Variants in SLCO1B3 observed in about 807,000 individuals in gnomAD.
The protein encoded by SLCO1B3 is solute carrier organic anion transporter family member 1B3.
Under a neutral mutation model 71.8 loss-of-function variants are expected in SLCO1B3, and 72 were observed. That is an observed-to-expected ratio of 1.00 (90% CI 0.83 to 1.22). The LOEUF is 1.22. SLCO1B3 is among the 50% of genes most tolerant of loss of function. The pLI is 0.00. For synonymous variants in SLCO1B3, 298 were observed against 278.4 expected, an observed-to-expected ratio of 1.07 and a Z score of -0.70; for missense variants, 911 against 819.7, an observed-to-expected ratio of 1.11 and a Z score of -1.36.
At chr12:20,847,124 A>T (rs1864935993) in intron 3 of SLCO1B3, among the ~76,000 whole-genome samples, 1 of 152,228 alleles carries the variant, frequency 6.6e-6, no homozygotes, top group South Asian at 2.1e-4. Context: ...TGCCCAGGGT[A>T]GTAGACTCAC....
chr12:20,863,614 G>T (rs1865314080), intron 8 of SLCO1B3, among the ~76,000 whole-genome samples: 1 of 151,924 alleles, frequency 6.6e-6, no homozygotes, highest in African/African-American at 2.4e-5. Flanking sequence ...TCCTCTTTCT[G>T]CCTCTCCTCC....
At chr12:20,851,153 G>T (rs1476278006) in intron 3 of SLCO1B3, among the ~76,000 whole-genome samples, 2 of 152,132 alleles carry the variant, frequency 1.3e-5, no homozygotes, top group Non-Finnish European at 2.9e-5. Flanking sequence ...ATCTCTTCAA[G>T]ATCCCAGTTT....
rs200150730 is a variant in SLCO1B3, at chr12:20,877,920, T to C, written c.1119T>C (p.His373=). Residue 373 remains histidine (H), a synonymous_variant, in exon 10 of 16, where the codon CAT becomes CAC. Transcript: ENST00000381545. ...MEQQYGQSAS[H]ANFLLGIITI... is the part of the protein sequence containing the mutation. ...AACAGTACGGTCAGTCTGCATCTCA[T>C]GCTAACTTTTTGTTGGGTAAGACAT... 4 of 1,590,462 alleles carry C rather than the reference T, an allele frequency of 2.5e-6. No homozygotes were observed. Among genetic ancestry groups the C allele is most frequent in the African/African-American group, 2.7e-5 (2 of 73,464 alleles).
intron 15 of SLCO1B3, among the ~76,000 whole-genome samples, chr12:20,915,565 A>T (rs188533890): frequency 4.6e-5 from 7 of 152,320 alleles, no homozygotes; most frequent in Non-Finnish European, 1.0e-4. Flanking sequence ...GGTAAAAGGA[A>T]TTGCTGTATA....
At chr12:20,819,615 C>G (rs1864255874) in intron 3 of SLCO1B3, among the ~76,000 whole-genome samples, 1 of 152,122 alleles carries the variant, frequency 6.6e-6, no homozygotes, top group South Asian at 2.1e-4. Context: ...AGATCCTGAG[C>G]TAACTTGTAA....
Position 20,831,501 on chromosome 12 carries a change from A to G in SLCO1B3, c.84+15679A>G, listed in dbSNP as rs149353685. 7.6e-3 allele frequency among the ~76,000 whole-genome samples: 1,158 copies of G among 152,310 alleles called. 10 individuals carry two copies. The highest frequency in any genetic ancestry group is 0.027 in the African/African-American group (1,113 of 41,560). Reference sequence around the variant, plus strand: ...AAGTTAAATTGTTAACATTGAAAGAATATTAACCTCAACAATCGCATTACA... The same window carrying G: ...AAGTTAAATTGTTAACATTGAAAGAGTATTAACCTCAACAATCGCATTACA... On this transcript the variant is annotated intron_variant, in intron 3 of 15. Transcript: ENST00000381545.
chr12:20,881,323 G>A (rs1865690054), intron 12 of SLCO1B3, among the ~76,000 whole-genome samples: 1 of 152,058 alleles, frequency 6.6e-6, no homozygotes, highest in South Asian at 2.1e-4. Flanking sequence ...TCTCTAAGAA[G>A]CATCTCATTT....
intron 8 of SLCO1B3, among the ~76,000 whole-genome samples, chr12:20,868,673 GA>G (rs1865418676): frequency 1.2e-4 from 2 of 16,880 alleles, no homozygotes; most frequent in Admixed American, 1.6e-3. Context: ...AGAGATAAAA[GA>G]AAAGACCCCT....
intron 3 of SLCO1B3, among the ~76,000 whole-genome samples, chr12:20,846,349 C>A (rs1864920445): frequency 6.6e-6 from 1 of 152,090 alleles, no homozygotes. Flanking sequence ...TTATATTCTT[C>A]CAAAGAGTGT....
At chr12:20,870,056 GC>G (rs1356242796) in intron 8 of SLCO1B3, among the ~76,000 whole-genome samples, 1 of 152,008 alleles carries the variant, frequency 6.6e-6, no homozygotes, top group East Asian at 1.9e-4. Context: ...ACGTAATTGT[GC>G]TTTTGATTTG....
intron 9 of SLCO1B3, 114 bp downstream of exon 9, chr12:20,875,591 C>T: frequency 9.5e-7 from 1 of 1,050,920 alleles, no homozygotes; most frequent in Non-Finnish European, 1.4e-6. Flanking sequence ...TTCTTCTCTG[C>T]TAAATTTAGC....
chr12:20,906,361 A>T (rs1262856559), intron 15 of SLCO1B3, among the ~76,000 whole-genome samples: 1 of 152,212 alleles, frequency 6.6e-6, no homozygotes, highest in Non-Finnish European at 1.5e-5. Flanking sequence ...TGGAATGAGT[A>T]GGCCTAGCAC....
chr12:20,829,307 G>A (rs1258960702), intron 3 of SLCO1B3, among the ~76,000 whole-genome samples: 1 of 152,166 alleles, frequency 6.6e-6, no homozygotes, highest in Non-Finnish European at 1.5e-5. Context: ...GCCTAGGAAT[G>A]GGGCCCAGGC....
At chr12:20,813,872 T>C (rs1864146907) in intron 2 of SLCO1B3, among the ~76,000 whole-genome samples, 4 of 152,326 alleles carry the variant, frequency 2.6e-5, no homozygotes, top group Non-Finnish European at 5.9e-5. Context: ...TCCCAGCAAC[T>C]TTATGGAACA....
chr12:20,901,962 T>C (rs1377612360), intron 15 of SLCO1B3: 1 of 420,894 alleles, frequency 2.4e-6, no homozygotes, highest in South Asian at 1.7e-5. Context: ...AAAAAGCTGC[T>C]GCAATTGTAC....
intron 13 of SLCO1B3, among the ~76,000 whole-genome samples, chr12:20,886,641 T>A (rs545975099): frequency 5.9e-5 from 9 of 152,210 alleles, no homozygotes; most frequent in Non-Finnish European, 1.2e-4. Flanking sequence ...TTTCATTATA[T>A]GCTCATCACT....
At chr12:20,850,668 C>T (rs529997234) in intron 3 of SLCO1B3, among the ~76,000 whole-genome samples, 21 of 152,148 alleles carry the variant, frequency 1.4e-4, no homozygotes, top group African/African-American at 4.6e-4. Flanking sequence ...TAACTTCCAC[C>T]CTCAGGTAGC....
intron 3 of SLCO1B3, among the ~76,000 whole-genome samples, chr12:20,842,023 G>A (rs1864814867): frequency 6.6e-6 from 1 of 151,998 alleles, no homozygotes. Context: ...AGCCTCCTGA[G>A]TAGCTGGGAT....
At position 20,862,527 on chromosome 12, in the gene SLCO1B3, TG is replaced by T. The variant is rs1865288285; in HGVS notation, c.598del (p.Ala200GlnfsTer10). 6.2e-7 allele frequency: 1 copy of T among 1,611,502 alleles called. No homozygotes were observed. Among genetic ancestry groups the T allele is most frequent in the African/African-American group, 1.3e-5 (1 of 74,916 alleles). On this transcript the variant is annotated frameshift_variant, in exon 7 of 16. Coordinates refer to ENST00000381545, the MANE Select transcript of SLCO1B3 (RefSeq NM_019844.4). LOFTEE classifies it high-confidence loss of function. ...PLGISYIDDF[A>X]KEGHSSLYLG... ...TGGGGATTTCATACATTGATGATTT[TG>T]CAAAAGAAGGACATTCTTCCTTGTA...
Sources: allele counts gnomAD v4.1 joint callset (sites outside exome capture counted in the v4.1 genomes callset), GRCh38; gene constraint gnomAD v4.1.1; transcripts MANE v1.5; gene names NCBI Gene and HGNC (gene_info 2026-07-23, HGNC 2026-07-21).